Variants in AUTS2 observed in about 807,000 individuals in gnomAD.
AUTS2 encodes activator of transcription and developmental regulator AUTS2.
A neutral mutation model predicts 112.4 loss-of-function variants in AUTS2; 17 were observed. The ratio of observed to expected loss-of-function variants is 0.15; its 90% CI spans 0.10 to 0.23. AUTS2 has a LOEUF of 0.23. Among genes scored for constraint, AUTS2 ranks in the 10% least tolerant of loss-of-function variants. The pLI, the probability that AUTS2 is intolerant of heterozygous loss-of-function variation, is 1.00. For missense variants in AUTS2, 1,510 were observed against 1,701.6 expected (o/e 0.89, Z 1.98); for synonymous variants, 751 against 702.7 (o/e 1.07, Z -1.09).
chr7:70,359,091 G>A (rs1792140251), intron 4 of AUTS2, among the ~76,000 whole-genome samples: 1 of 152,218 alleles, frequency 6.6e-6, no homozygotes, highest in South Asian at 2.1e-4. Flanking sequence ...CTACTATACA[G>A]TGAAAGAACT....
intron 2 of AUTS2, among the ~76,000 whole-genome samples, chr7:69,943,127 C>T (rs1360685595): frequency 2.6e-5 from 4 of 152,168 alleles, no homozygotes; most frequent in Non-Finnish European, 5.9e-5. Context: ...GCATATGCCT[C>T]ATGCATATTC....
rs145873369 is a variant in AUTS2 at position 70,730,214 on chromosome 7, C to T, written c.742+31594C>T. Among the ~76,000 whole-genome samples, 1,241 of 140,626 alleles carry T rather than the reference C, an allele frequency of 8.8e-3. 16 individuals are homozygous for T. Among genetic ancestry groups the T allele is most frequent in the Middle Eastern group, 0.021 (6 of 286 alleles). The allele number at this position is 140,626 out of a possible 152,430, so 92.3% of individuals were successfully genotyped here. A position where few individuals can be genotyped will look rare whatever the true frequency, so the allele number is the denominator to read the frequency against. On this transcript the variant is annotated intron_variant, in intron 6 of 18. Coordinates refer to ENST00000342771, the MANE Select transcript of AUTS2 (RefSeq NM_015570.4). ...CCATTATTAAGCAGTAAAAGGACAA[C>T]CAGTTTTTTTTTTTGTTTTTTGTTT...
Position 70,062,527 on chromosome 7 carries a change from A to AG in AUTS2, c.523-55603dup, listed in dbSNP as rs745549155. On this transcript the variant is annotated intron_variant, in intron 2 of 18. Transcript: ENST00000342771. Reference sequence around the variant, plus strand: ...GACTCCGTCTCAAAAAAAAAAAAAAAGGAAGAAATAAGACACATATTTATC... The same window carrying AG: ...GACTCCGTCTCAAAAAAAAAAAAAAAGGGAAGAAATAAGACACATATTTATC... Among the ~76,000 whole-genome samples the AG allele has an allele frequency of 5.1e-4, 78 of 151,740 alleles. 1 individual carries two copies. In the East Asian group the frequency reaches 0.013, roughly 26 times the overall value.
chr7:70,270,716 C>T (rs959066632), intron 4 of AUTS2, among the ~76,000 whole-genome samples: 4 of 152,144 alleles, frequency 2.6e-5, no homozygotes, highest in African/African-American at 9.7e-5. Context: ...CTAACTACCC[C>T]CTCCTGCTTC....
intron 2 of AUTS2, among the ~76,000 whole-genome samples, chr7:69,956,104 G>A (rs1388407996): frequency 6.6e-6 from 1 of 151,986 alleles, no homozygotes. Context: ...ACTTAGGCCT[G>A]GTGTTCTTTC....
In AUTS2 at chr7:70,003,889, AAT is replaced by A. The variant is rs1159356793; in HGVS notation, c.522+104400_522+104401del. On this transcript the variant is annotated intron_variant, in intron 2 of 18. Transcript: ENST00000342771. ...ATAATATATGAATGTGTTATATATG[AAT>A]ATATATATTATATATGAATGTGTTA... Among the ~76,000 whole-genome samples, 6 of 85,428 alleles carry A rather than the reference AAT, an allele frequency of 7.0e-5. 1 individual carries two copies. The highest frequency in any genetic ancestry group is 2.8e-4 in the African/African-American group (5 of 17,794). The allele number at this position is 85,428 out of a possible 152,430, so 56.0% of individuals were successfully genotyped here.
At chr7:69,723,954 C>A (rs1562837761) in intron 1 of AUTS2, among the ~76,000 whole-genome samples, 1 of 152,144 alleles carries the variant, frequency 6.6e-6, no homozygotes, top group African/African-American at 2.4e-5. Context: ...CAGACATCTG[C>A]AGCACAGTGG....
intron 5 of AUTS2, among the ~76,000 whole-genome samples, chr7:70,662,473 A>G (rs1807124382): frequency 6.6e-6 from 1 of 152,208 alleles, no homozygotes; most frequent in Non-Finnish European, 1.5e-5. Context: ...GCAGTGATTC[A>G]TTAGAAGCTG....
intron 1 of AUTS2, among the ~76,000 whole-genome samples, chr7:69,646,541 C>T (rs533652735): frequency 6.6e-6 from 1 of 152,310 alleles, no homozygotes; most frequent in East Asian, 1.9e-4. Flanking sequence ...AATATTAGCT[C>T]TTTGCAAATA....
intron 2 of AUTS2, among the ~76,000 whole-genome samples, chr7:70,102,949 A>G (rs1020362223): frequency 1.3e-5 from 2 of 152,190 alleles, no homozygotes; most frequent in African/African-American, 4.8e-5. Context: ...TTAAGATTCA[A>G]CCACATCAAA....
At chr7:69,963,955 G>A (rs753817045) in intron 2 of AUTS2, among the ~76,000 whole-genome samples, 1 of 151,884 alleles carries the variant, frequency 6.6e-6, no homozygotes, top group Admixed American at 6.6e-5. Context: ...AACCAATAAC[G>A]TACCTCCTAA....
At chr7:70,258,393 T>C (rs1348034159) in intron 4 of AUTS2, among the ~76,000 whole-genome samples, 1 of 152,244 alleles carries the variant, frequency 6.6e-6, no homozygotes, top group Non-Finnish European at 1.5e-5. Flanking sequence ...CAGTCTGTTT[T>C]CTGTGAACAG....
Position 70,297,596 on chromosome 7 carries a change from AT to A in AUTS2, c.661-138145del, listed in dbSNP as rs964334261. On this transcript the variant is annotated intron_variant, in intron 4 of 18. Coordinates refer to ENST00000342771, the MANE Select transcript of AUTS2 (RefSeq NM_015570.4). Reference sequence around the variant, plus strand: ...AGGCGCCTGCCACCACACCCGGGTAATTTTTTTTTTTATATTTGTAGTAGAG... The same window carrying A: ...AGGCGCCTGCCACCACACCCGGGTAATTTTTTTTTTATATTTGTAGTAGAG... 2.0e-3 allele frequency among the ~76,000 whole-genome samples: 297 copies of A among 145,952 alleles called. 1 individual carries two copies. The highest frequency in any genetic ancestry group is 0.011 in the Middle Eastern group (3 of 284).
chr7:69,602,040 A>ATATATGTGTG (rs1474403063), intron 1 of AUTS2, among the ~76,000 whole-genome samples: 4 of 46,266 alleles, frequency 8.6e-5, no homozygotes, highest in Non-Finnish European at 1.4e-4. Context: ...ATATATATAT[A>ATATATGTGTG]TGTGTGTGTG....
At chr7:70,207,124 C>T (rs1240709335) in intron 4 of AUTS2, among the ~76,000 whole-genome samples, 1 of 152,074 alleles carries the variant, frequency 6.6e-6, no homozygotes, top group African/African-American at 2.4e-5. Flanking sequence ...CATTGCATTC[C>T]ATCACTAATA....
At chr7:69,902,861 C>A (rs1354298923) in intron 2 of AUTS2, among the ~76,000 whole-genome samples, 1 of 152,146 alleles carries the variant, frequency 6.6e-6, no homozygotes, top group Non-Finnish European at 1.5e-5. Flanking sequence ...AGTATAAATA[C>A]ATACTGCCTT....
intron 4 of AUTS2, among the ~76,000 whole-genome samples, chr7:70,369,522 T>G (rs1792741658): frequency 6.6e-6 from 1 of 151,996 alleles, no homozygotes; most frequent in African/African-American, 2.4e-5. Flanking sequence ...GGCACCAGAG[T>G]GATGGTATCA....
At chr7:70,605,561 T>TTC (rs1383382032) in intron 5 of AUTS2, among the ~76,000 whole-genome samples, 6 of 146,574 alleles carry the variant, frequency 4.1e-5, no homozygotes, top group African/African-American at 1.0e-4. Context: ...TTTTTTTTTT[T>TTC]TTTTTGGTCT....
intron 4 of AUTS2, among the ~76,000 whole-genome samples, chr7:70,137,736 C>T (rs544198635): frequency 2.0e-5 from 3 of 152,152 alleles, no homozygotes; most frequent in Non-Finnish European, 4.4e-5. Context: ...CAGAATATCA[C>T]TCTATACTAC....
Sources: allele counts gnomAD v4.1 joint callset (sites outside exome capture counted in the v4.1 genomes callset), GRCh38; gene constraint gnomAD v4.1.1; transcripts MANE v1.5; gene names NCBI Gene and HGNC (gene_info 2026-07-23, HGNC 2026-07-21).